XPNPEP2: variants seen among roughly 807,000 people sequenced by gnomAD.
XPNPEP2 encodes the protein X-prolyl aminopeptidase 2.
In XPNPEP2, 64 loss-of-function variants were observed where a neutral mutation model predicts 59.8. That is an observed-to-expected ratio of 1.07 (90% CI 0.87 to 1.32). The LOEUF (loss-of-function observed/expected upper bound fraction) is 1.32, where lower values mean the gene tolerates loss of function less well. Ranked by LOEUF, XPNPEP2 falls within the 40% of genes most tolerant of loss-of-function variation. The pLI is 0.00. For missense variants in XPNPEP2, 575 were observed against 546.8 expected (o/e 1.05, Z -0.51); for synonymous variants, 235 against 210.0 (o/e 1.12, Z -1.03).
rs923568215 is a variant in XPNPEP2, at chrX:129,768,564, T to A, written c.*79T>A. 1 of 903,637 alleles carries A rather than the reference T, an allele frequency of 1.1e-6. No homozygotes were observed. Among genetic ancestry groups the A allele is most frequent in the Non-Finnish European group, 1.5e-6 (1 of 686,425 alleles). 74.5% of individuals were successfully genotyped at this position (903,637 alleles called of 1,213,427 possible). On this transcript the variant is annotated 3_prime_UTR_variant, in exon 21 of 21. Transcript: ENST00000371106. ...AGCTCCCCTCACCCTGCACTGAACATACCCCAAGAGCCCCTGCTGGCCCAT... is the reference window on the plus strand; with the variant it reads ...AGCTCCCCTCACCCTGCACTGAACAAACCCCAAGAGCCCCTGCTGGCCCAT...
chrX:129,757,891 GAGAGAAAGAAAGAA>G (rs1170133791), intron 14 of XPNPEP2, among the ~76,000 whole-genome samples: 2,955 of 67,732 alleles, frequency 0.044, 77 homozygotes, highest in African/African-American at 0.087. Context: ...GAGAGAGAGA[GAGAGAAAGAAAGAA>G]AGAAAGAAAG....
At chrX:129,748,147 T>C (rs1926334953) in intron 7 of XPNPEP2, among the ~76,000 whole-genome samples, 2 of 112,024 alleles carry the variant, frequency 1.8e-5, no homozygotes, top group Admixed American at 1.9e-4. Context: ...TTCAGACCTT[T>C]ACTTCTGACC....
intron 1 of XPNPEP2, 41 bp from the exon 2 acceptor site, chrX:129,742,053 TCTCTAGGAACTAGC>T (rs1926193807): frequency 1.8e-6 from 2 of 1,135,630 alleles, no homozygotes; most frequent in Non-Finnish European, 2.4e-6. Context: ...ACTCCTTCCC[TCTCTAGGAACTAGC>T]TGGTCCCCAA....
intron 20 of XPNPEP2, 128 bp downstream of exon 20, chrX:129,767,820 A>C: frequency 1.5e-6 from 1 of 660,941 alleles, no homozygotes; most frequent in Non-Finnish European, 2.4e-6. Context: ...GCAGACACAC[A>C]CTGGGGCATT....
Position 129,745,416 on chromosome X carries a change from C to G in XPNPEP2, c.298+150C>G, listed in dbSNP as rs771181218. ...CTCTCTCTGTCTCCCTCCACCACCC[C>G]AAAACCATCAGATTCCCCAGGGCAC... On this transcript the variant is annotated intron_variant, in intron 4 of 20. Coordinates refer to ENST00000371106, the MANE Select transcript of XPNPEP2 (RefSeq NM_003399.6). 1.8e-4 allele frequency: 108 copies of G among 602,989 alleles called. 2 individuals are homozygous for G. In the African/African-American group the frequency reaches 2.1e-3, roughly 12 times the overall value. 49.7% of individuals were successfully genotyped at this position (602,989 alleles called of 1,213,427 possible). A position where few individuals can be genotyped will look rare whatever the true frequency, so the allele number is the denominator to read the frequency against.
chrX:129,739,620 T>G (rs1926137391), intron 1 of XPNPEP2, among the ~76,000 whole-genome samples: 1 of 111,525 alleles, frequency 9.0e-6, no homozygotes, highest in Non-Finnish European at 1.9e-5. Context: ...AGGGGGTCAG[T>G]GGATGGAAAA....
intron 4 of XPNPEP2, 22 bp from the exon 5 acceptor site, chrX:129,746,214 A>G (rs1370476781): frequency 1.7e-6 from 2 of 1,197,407 alleles, no homozygotes; most frequent in South Asian, 1.8e-5. Context: ...CCTCACCTGC[A>G]AGTTTCTCTG....
At chrX:129,755,877 C>T (rs1926508029) in intron 13 of XPNPEP2, among the ~76,000 whole-genome samples, 2 of 112,726 alleles carry the variant, frequency 1.8e-5, no homozygotes, top group African/African-American at 6.4e-5. Flanking sequence ...AATTCCCTCC[C>T]CTGGTGTCCC....
Position 129,739,118 on chromosome X carries a change from C to T in XPNPEP2, c.-96C>T, listed in dbSNP as rs748848280. ...CGCCAGCCCCCACCCTCTGTCTGCT[C>T]GAGCCCAGGAAAGGCCTGAAGGAAG... On this transcript the variant is annotated 5_prime_UTR_variant, in exon 1 of 21. Coordinates refer to ENST00000371106, the MANE Select transcript of XPNPEP2 (RefSeq NM_003399.6). The T allele has an allele frequency of 4.2e-6, 4 of 943,577 alleles. No homozygotes were observed. The highest frequency in any genetic ancestry group is 3.1e-5 in the East Asian group (1 of 32,003). 77.8% of individuals were successfully genotyped at this position (943,577 alleles called of 1,213,427 possible).
At chrX:129,742,499 C>T (rs1170152269) in intron 2 of XPNPEP2, among the ~76,000 whole-genome samples, 1 of 109,200 alleles carries the variant, frequency 9.2e-6, no homozygotes, top group Non-Finnish European at 1.9e-5. Flanking sequence ...GGCAGGAGGC[C>T]CCTAACTGGC....
chrX:129,761,938 G>A (rs1802913028), intron 17 of XPNPEP2, 68 bp from the exon 18 acceptor site: 5 of 1,097,987 alleles, frequency 4.6e-6, no homozygotes, highest in East Asian at 3.0e-5. Flanking sequence ...GCTCTTCCTC[G>A]GAAGCTGCTC....
At chrX:129,765,795 G>A (rs753034183) in intron 19 of XPNPEP2, among the ~76,000 whole-genome samples, 37 of 109,540 alleles carry the variant, frequency 3.4e-4, no homozygotes, top group Non-Finnish European at 5.3e-4. Context: ...ACACCACCAC[G>A]ACTGGCTAAT....
intron 7 of XPNPEP2, among the ~76,000 whole-genome samples, chrX:129,748,657 A>C (rs1926341962): frequency 8.9e-6 from 1 of 112,752 alleles, no homozygotes; most frequent in Non-Finnish European, 1.9e-5. Flanking sequence ...GTTCTGATGT[A>C]ACTTCCAGAA....
At chrX:129,761,675 G>A (rs1273668229) in intron 17 of XPNPEP2, among the ~76,000 whole-genome samples, 1 of 111,913 alleles carries the variant, frequency 8.9e-6, no homozygotes, top group Non-Finnish European at 1.9e-5. Flanking sequence ...AATGTTTTAA[G>A]TATCCAGGTA....
chrX:129,747,524 C>T lies in XPNPEP2; in HGVS notation c.491-83C>T, dbSNP rs1926320768. 2.6e-6 allele frequency: 3 copies of T among 1,160,184 alleles called. No homozygotes were observed. The Admixed American group carries it at 6.9e-5, about 27-fold the overall frequency. ...GGGCTGCAAAGGGAGGCAAAGGGAACCAGGACTAACTTTGCCTGAATCACA... is the reference window on the plus strand; with the variant it reads ...GGGCTGCAAAGGGAGGCAAAGGGAATCAGGACTAACTTTGCCTGAATCACA... On this transcript the variant is annotated intron_variant, in intron 6 of 20. Coordinates refer to ENST00000371106, the MANE Select transcript of XPNPEP2 (RefSeq NM_003399.6).
chrX:129,751,583 AAAGAAAGAAAGAAAGGAAGGAAGG>A (rs1258804795), intron 8 of XPNPEP2, among the ~76,000 whole-genome samples, 138 bp from the exon 9 acceptor site: 114 of 73,479 alleles, frequency 1.6e-3, no homozygotes, highest in African/African-American at 5.6e-3. Context: ...AGAAAGAAAG[AAAGAAAGAAAGAAAGGAAGGAAGG>A]AAGGAAGGAA....
intron 8 of XPNPEP2, among the ~76,000 whole-genome samples, chrX:129,750,897 C>T (rs1250740447): frequency 9.0e-6 from 1 of 111,625 alleles, no homozygotes; most frequent in Non-Finnish European, 1.9e-5. Flanking sequence ...AGCCACTACC[C>T]CAGGGCACTC....
chrX:129,756,675 T>C (rs1926524249), intron 14 of XPNPEP2, 120 bp downstream of exon 14: 1 of 729,170 alleles, frequency 1.4e-6, no homozygotes, highest in Non-Finnish European at 2.1e-6. Context: ...AAAGGAGAGA[T>C]CTGGAATGAG....
chrX:129,743,109 G>A (rs1057119013), intron 2 of XPNPEP2, among the ~76,000 whole-genome samples: 1 of 112,131 alleles, frequency 8.9e-6, no homozygotes, highest in Non-Finnish European at 1.9e-5. Flanking sequence ...TGGGAAAAAC[G>A]CAGTACATCT....
Sources: allele counts gnomAD v4.1 joint callset (sites outside exome capture counted in the v4.1 genomes callset), GRCh38; gene constraint gnomAD v4.1.1; transcripts MANE v1.5; gene names NCBI Gene and HGNC (gene_info 2026-07-23, HGNC 2026-07-21).